Variants in CLK4 observed in about 807,000 individuals in gnomAD.
The protein encoded by CLK4 is CDC like kinase 4, also known as dual specificity protein kinase CLK4.
CLK4 carries 37 observed loss-of-function variants against 64.4 expected under a neutral mutation model. That is an observed-to-expected ratio of 0.57 (90% confidence interval 0.44 to 0.76). The LOEUF is 0.76. Ranked by LOEUF, CLK4 falls within the 30% of genes least tolerant of loss-of-function variation. CLK4 has a pLI of 0.00. For missense variants in CLK4, 457 were observed against 605.1 expected (o/e 0.76, Z 2.57); for synonymous variants, 175 against 191.6 (o/e 0.91, Z 0.72).
intron 1 of CLK4, among the ~76,000 whole-genome samples, chr5:178,624,886 CAG>C (rs1332420670): frequency 6.6e-6 from 1 of 152,190 alleles, no homozygotes; most frequent in African/African-American, 2.4e-5. Flanking sequence ...GTCACGCCAT[CAG>C]AGTCTGATTG....
chr5:178,616,826 TG>T, intron 5 of CLK4, 55 bp downstream of exon 5: 1 of 1,244,410 alleles, frequency 8.0e-7, no homozygotes, highest in African/African-American at 1.5e-5. Context: ...ATCTGAATTA[TG>T]AATCTTTCCC....
Position 178,617,208 on chromosome 5 carries a change from T to C in CLK4, c.475+136A>G, listed in dbSNP as rs949279506. 2.4e-5 allele frequency: 17 copies of C among 698,908 alleles called. No homozygotes were observed. Among genetic ancestry groups the C allele is most frequent in the East Asian group, 1.1e-4 (4 of 36,870 alleles). 43.3% of individuals were successfully genotyped at this position (698,908 alleles called of 1,614,324 possible). A position where few individuals can be genotyped will look rare whatever the true frequency, so the allele number is the denominator to read the frequency against. On this transcript the variant is annotated intron_variant, in intron 4 of 12. Coordinates refer to ENST00000316308, the MANE Select transcript of CLK4 (RefSeq NM_020666.3). The surrounding 1 kb of genome is among the most constrained non-coding windows in gnomAD (Gnocchi z 5.2). Reference sequence around the variant, plus strand: ...TTTAAATTCTACAGAAAAGAAGAAATATAAAAGAACAAACAAACCCACAAA... The same window carrying C: ...TTTAAATTCTACAGAAAAGAAGAAACATAAAAGAACAAACAAACCCACAAA...
At chr5:178,618,827 A>C in intron 2 of CLK4, 49 bp from the exon 3 acceptor site, 1 of 1,468,928 alleles carries the variant, frequency 6.8e-7, no homozygotes, top group Non-Finnish European at 9.4e-7. Context: ...TTCTGCAATA[A>C]TGTGGTTCAA....
intron 5 of CLK4, among the ~76,000 whole-genome samples, chr5:178,614,743 C>T (rs980296183): frequency 6.6e-6 from 1 of 152,140 alleles, no homozygotes; most frequent in Non-Finnish European, 1.5e-5. Flanking sequence ...TTTCCACATC[C>T]AGTGGTTTCC....
Position 178,603,417 on chromosome 5 carries a change from A to C in CLK4, c.*200T>G. ...ATGGTAATTTCAAAAAGAAAAATTA[A>C]TTTTAATTTTTCTAATGCATTATCA... On this transcript the variant is annotated 3_prime_UTR_variant, in exon 13 of 13. Transcript: ENST00000316308. 2.8e-6 allele frequency: 1 copy of C among 361,336 alleles called. No individual in the cohort carries two copies. Among genetic ancestry groups the C allele is most frequent in the Non-Finnish European group, 4.9e-6 (1 of 205,386 alleles). 22.4% of individuals were successfully genotyped at this position (361,336 alleles called of 1,614,324 possible).
chr5:178,610,048 T>C (rs555150474), intron 9 of CLK4, among the ~76,000 whole-genome samples: 1 of 152,250 alleles, frequency 6.6e-6, no homozygotes, highest in East Asian at 1.9e-4. Flanking sequence ...CCCAGCACTT[T>C]GGGAGGCCAA....
chr5:178,619,507 A>G (rs1764675211), intron 2 of CLK4, among the ~76,000 whole-genome samples: 3 of 152,178 alleles, frequency 2.0e-5, no homozygotes, highest in South Asian at 4.1e-4. Context: ...CTAAAATAAG[A>G]AAGGGATCCT....
intron 2 of CLK4, chr5:178,621,933 C>T (rs1196303664): frequency 6.6e-6 from 1 of 151,934 alleles, no homozygotes; most frequent in East Asian, 1.9e-4. Context: ...TTTATAAAAA[C>T]ACTCAAAGTT....
intron 1 of CLK4, among the ~76,000 whole-genome samples, chr5:178,625,441 A>G (rs989678662): frequency 2.0e-4 from 26 of 131,744 alleles, no homozygotes; most frequent in South Asian, 7.6e-4. Flanking sequence ...AAAAAAAAAA[A>G]AAAAGAAAAT....
chr5:178,617,296 G>T lies in CLK4; in HGVS notation c.475+48C>A, dbSNP rs1368859256. 4.1e-6 allele frequency: 6 copies of T among 1,451,164 alleles called. No homozygotes were observed. Among genetic ancestry groups the T allele is most frequent in the Non-Finnish European group, 2.9e-6 (3 of 1,032,018 alleles). 89.9% of individuals were successfully genotyped at this position (1,451,164 alleles called of 1,614,324 possible). On this transcript the variant is annotated intron_variant, in intron 4 of 12. Transcript: ENST00000316308. This position sits in a 1 kb window ranked among gnomAD's most constrained non-coding sequence, Gnocchi z 5.2. ...CCCGCTGACAAACTATTCTTAAAAA[G>T]ATTATTCTTTCTGCAAAGTTTAAAA...
In CLK4 at chr5:178,608,745, A is replaced by T. The variant is rs181814661; in HGVS notation, c.1052-287T>A. Among the ~76,000 whole-genome samples, 7 of 152,336 alleles carry T rather than the reference A, an allele frequency of 4.6e-5. No homozygotes were observed. In the East Asian group the frequency reaches 1.3e-3, roughly 29 times the overall value. ...TACAACCAATTCGTGCAAATATTCC[A>T]TAGTCTCTGAACTGTTTATATAATG... is the stretch of plus-strand genomic sequence containing the variant. On this transcript the variant is annotated intron_variant, in intron 9 of 12. Transcript: ENST00000316308.
At chr5:178,609,961 A>G (rs2113803360) in intron 9 of CLK4, among the ~76,000 whole-genome samples, 1 of 152,072 alleles carries the variant, frequency 6.6e-6, no homozygotes, top group South Asian at 2.1e-4. Flanking sequence ...TAACACATAC[A>G]AAATCCGTAA....
chr5:178,623,378 A>T lies in CLK4; in HGVS notation c.39T>A (p.Asp13Glu). ...TTTCATGTCCCCAGCTTTCTCTGCT[A>T]TCCCAATCAGGACAGTGAGTTCTTT... is the stretch of plus-strand genomic sequence containing the variant. ...HSKRTHCPDW[D>E]SRESWGHESY... Residue 13 changes from aspartate (D) to glutamate (E), a missense_variant, in exon 2 of 13, where the codon GAT (aspartate) becomes GAA (glutamate). Physicochemically the swap from Asp to Glu is conservative, Grantham distance 45. Transcript: ENST00000316308. 6.2e-7 allele frequency: 1 copy of T among 1,614,048 alleles called. No homozygotes were observed.
chr5:178,622,076 T>C (rs2113814460), intron 2 of CLK4: 1 of 152,324 alleles, frequency 6.6e-6, no homozygotes, highest in East Asian at 1.9e-4. Context: ...TAGTTAACTA[T>C]GAGCACAAAT....
In CLK4 at chr5:178,613,499, G is replaced by T; in HGVS notation, c.800C>A (p.Ala267Glu). The T allele has an allele frequency of 6.3e-7, 1 of 1,584,860 alleles. No homozygotes were observed. Among genetic ancestry groups the T allele is most frequent in the Non-Finnish European group, 8.6e-7 (1 of 1,168,668 alleles). Reference sequence around the variant, plus strand: ...ATTTATTGACTGGCAGATCTGATACGCCATCTGCCTGATGTGGTCAATTTG... The same window carrying T: ...ATTTATTGACTGGCAGATCTGATACTCCATCTGCCTGATGTGGTCAATTTG... Reference protein sequence around the residue: ...PFQIDHIRQMAYQICQSINFL... With the variant: ...PFQIDHIRQMEYQICQSINFL... The change falls in exon 7 of 13, where the codon GCG becomes GAG. Residue 267 changes from alanine (A) to glutamate (E), a missense_variant. Ala to Glu is a moderately radical substitution (Grantham distance 107, BLOSUM62 -1). Coordinates refer to ENST00000316308, the MANE Select transcript of CLK4 (RefSeq NM_020666.3).
At chr5:178,605,498 G>T in intron 10 of CLK4, 116 bp from the exon 11 acceptor site, 1 of 534,466 alleles carries the variant, frequency 1.9e-6, no homozygotes, top group Non-Finnish European at 3.1e-6. Flanking sequence ...ACTGTTTAAA[G>T]AATAACTGGG....
chr5:178,612,775 TA>T lies in CLK4; in HGVS notation c.921+20del, dbSNP rs1562128333. On this transcript the variant is annotated intron_variant, in intron 8 of 12. Transcript: ENST00000316308. The stretch of plus-strand genomic sequence containing the variant: ...TAATTTTAAAGACAACCACCCAAAT[TA>T]AAACAAGTCTTTAACTTACCATTTT... 1 of 1,350,574 alleles carries T rather than the reference TA, an allele frequency of 7.4e-7. No individual in the cohort carries two copies. Among genetic ancestry groups the T allele is most frequent in the South Asian group, 1.3e-5 (1 of 79,620 alleles). The allele number at this position is 1,350,574 out of a possible 1,614,324, so 83.7% of individuals were successfully genotyped here.
chr5:178,616,858 T>C, intron 5 of CLK4, 24 bp downstream of exon 5: 1 of 1,560,446 alleles, frequency 6.4e-7, no homozygotes, highest in Non-Finnish European at 8.8e-7. Flanking sequence ...ATCAGAATGT[T>C]TGAAAAGGAA....
At chr5:178,606,959 CA>C (rs1169892360) in intron 10 of CLK4, among the ~76,000 whole-genome samples, 1 of 144,656 alleles carries the variant, frequency 6.9e-6, no homozygotes, top group Non-Finnish European at 1.5e-5. Context: ...GACTCCATCT[CA>C]GGGAAAAAAA....
Sources: gnomAD v4.1 joint callset for allele counts (sites outside exome capture counted in the v4.1 genomes callset) on GRCh38, gnomAD v4.1.1 for gene constraint, Gnocchi (gnomAD v3.1) non-coding constraint, MANE v1.5 for transcripts, NCBI Gene and HGNC (gene_info 2026-07-23, HGNC 2026-07-21) for gene names.